TBC1D31: variants seen among roughly 807,000 people sequenced by gnomAD.
TBC1D31 encodes the protein TBC1 domain family member 31, also known as WD repeat domain 67.
In TBC1D31, 99 loss-of-function variants were observed where a neutral mutation model predicts 132.9. The ratio of observed to expected loss-of-function variants is 0.74; its 90% CI spans 0.63 to 0.88. The LOEUF is 0.88. Among genes scored for constraint, TBC1D31 ranks in the 40% least tolerant of loss-of-function variants. TBC1D31 has a pLI of 0.00. For missense variants in TBC1D31, 1,134 were observed against 1,256.6 expected, an observed-to-expected ratio of 0.90 and a Z score of 1.48; for synonymous variants, 385 against 419.4, an observed-to-expected ratio of 0.92 and a Z score of 1.00.
Position 123,149,832 on chromosome 8 carries a change from G to A in TBC1D31, c.2975-204G>A, listed in dbSNP as rs576571592. Reference sequence around the variant, plus strand: ...TTAGCTGAAAGTGTTTTTAAAGTACGTTTTACAGAAATCAGCTCAGCTCTT... The same window carrying A: ...TTAGCTGAAAGTGTTTTTAAAGTACATTTTACAGAAATCAGCTCAGCTCTT... On this transcript the variant is annotated intron_variant, in intron 20 of 21. Coordinates refer to ENST00000287380, the MANE Select transcript of TBC1D31 (RefSeq NM_145647.4). Among the ~76,000 whole-genome samples the A allele has an allele frequency of 7.2e-5, 11 of 152,302 alleles. No homozygotes were observed. In the South Asian group the frequency reaches 1.7e-3, roughly 23 times the overall value.
At chr8:123,125,821 G>A (rs1458697270) in intron 11 of TBC1D31, among the ~76,000 whole-genome samples, 1 of 152,054 alleles carries the variant, frequency 6.6e-6, no homozygotes, top group Non-Finnish European at 1.5e-5. Flanking sequence ...GTGATTGTTT[G>A]TTTTAATTAA....
intron 3 of TBC1D31, chr8:123,083,047 C>T: frequency 2.1e-6 from 1 of 473,514 alleles, no homozygotes. Flanking sequence ...GAACAACTCA[C>T]AGAACTCAGG....
At chr8:123,128,704 G>A (rs577692742) in intron 14 of TBC1D31, among the ~76,000 whole-genome samples, 191 bp downstream of exon 14, 51 of 151,308 alleles carry the variant, frequency 3.4e-4, no homozygotes, top group East Asian at 1.2e-3. Flanking sequence ...GTGAAACCCC[G>A]TCTCTACTAA....
the TBC1D31 span, among the ~76,000 whole-genome samples, chr8:123,162,180 C>A: frequency 6.6e-6 from 1 of 152,060 alleles, no homozygotes; most frequent in Non-Finnish European, 1.5e-5. Flanking sequence ...CTTCCCCCCA[C>A]AGAATACTAT....
rs1818419449 is a variant in TBC1D31 at position 123,111,379 on chromosome 8, G to A, written c.1436+1759G>A. Among the ~76,000 whole-genome samples, 3 of 152,202 alleles carry A rather than the reference G, an allele frequency of 2.0e-5. No homozygotes were observed. The South Asian group carries it at 6.2e-4, about 32-fold the overall frequency. On this transcript the variant is annotated intron_variant, in intron 10 of 21. Coordinates refer to ENST00000287380, the MANE Select transcript of TBC1D31 (RefSeq NM_145647.4). ...GGAAGATACAACCCATGTAGGAAAA[G>A]GCAAGTTAAATGCTTGGTATCTTTT...
chr8:123,130,968 T>C (rs954791470), intron 16 of TBC1D31, among the ~76,000 whole-genome samples: 2 of 152,092 alleles, frequency 1.3e-5, no homozygotes, highest in African/African-American at 4.8e-5. Context: ...ATAAAAATTA[T>C]CTGTGGCCAG....
chr8:123,141,310 T>C (rs1408457436), intron 18 of TBC1D31, among the ~76,000 whole-genome samples: 1 of 152,192 alleles, frequency 6.6e-6, no homozygotes, highest in African/African-American at 2.4e-5. Context: ...GGTCCCTGCA[T>C]GGTATGTAAG....
intron 17 of TBC1D31, among the ~76,000 whole-genome samples, chr8:123,139,795 T>C (rs1371094292): frequency 1.3e-5 from 2 of 152,194 alleles, no homozygotes; most frequent in East Asian, 1.9e-4. Context: ...ACTTAGCCTA[T>C]TGGTTGCTCT....
intron 17 of TBC1D31, among the ~76,000 whole-genome samples, chr8:123,139,556 G>A (rs1037537331): frequency 6.6e-5 from 10 of 152,114 alleles, no homozygotes; most frequent in East Asian, 1.9e-4. Flanking sequence ...GTTAGGGCAC[G>A]CCTTTATCAC....
intron 1 of TBC1D31, among the ~76,000 whole-genome samples, chr8:123,075,519 T>C (rs959364411): frequency 2.6e-5 from 4 of 152,084 alleles, no homozygotes; most frequent in Non-Finnish European, 5.9e-5. Context: ...CTGGCCAACA[T>C]GGTGAAACCT....
chr8:123,116,530 A>G (rs1246058196), intron 10 of TBC1D31, among the ~76,000 whole-genome samples: 4 of 152,202 alleles, frequency 2.6e-5, no homozygotes, highest in African/African-American at 9.7e-5. Flanking sequence ...GTATATGCAG[A>G]TAAATAGACA....
Position 123,097,299 on chromosome 8 carries a change from C to T in TBC1D31, c.689C>T (p.Ala230Val), listed in dbSNP as rs1816926243. ...TTATATAGAGATGGCCGAATCCTGG[C>T]TGCTGGAGGCAAGTCAAATCATCTT... ...FAVTRDGRIL[A>V]AGGKSNHLHL... The change falls in exon 6 of 22, where the codon GCT becomes GTT. Residue 230 changes from alanine (A) to valine (V), a missense_variant. Coordinates refer to ENST00000287380, the MANE Select transcript of TBC1D31 (RefSeq NM_145647.4). 1.2e-6 allele frequency: 2 copies of T among 1,614,136 alleles called. No individual in the cohort carries two copies. The highest frequency in any genetic ancestry group is 2.2e-5 in the East Asian group (1 of 44,874).
chr8:123,109,255 C>CA lies in TBC1D31; in HGVS notation c.1210-62_1210-61insA, dbSNP rs1481843499. ...GGGAAGTCACTGTGGACTAGATTAC[C>CA]TTTGTCACCTTTTCAGTTTTAATGA... On this transcript the variant is annotated intron_variant, in intron 8 of 21. Coordinates refer to ENST00000287380, the MANE Select transcript of TBC1D31 (RefSeq NM_145647.4). 4.2e-4 allele frequency: 517 copies of CA among 1,236,870 alleles called. No individual in the cohort carries two copies. In the African/African-American group the frequency reaches 5.2e-3, roughly 12 times the overall value. The allele number at this position is 1,236,870 out of a possible 1,614,324, so 76.6% of individuals were successfully genotyped here. A position where few individuals can be genotyped will look rare whatever the true frequency, so the allele number is the denominator to read the frequency against.
chr8:123,108,158 A>G (rs1219614574), intron 8 of TBC1D31, among the ~76,000 whole-genome samples: 2 of 152,198 alleles, frequency 1.3e-5, no homozygotes, highest in African/African-American at 2.4e-5. Context: ...ACGAAATCAG[A>G]AAGTCTGGCT....
chr8:123,116,558 A>G (rs545249958), intron 10 of TBC1D31, among the ~76,000 whole-genome samples: 1 of 152,336 alleles, frequency 6.6e-6, no homozygotes, highest in Admixed American at 6.5e-5. Context: ...GAATATAGAT[A>G]TGCATGTATG....
chr8:123,088,389 A>C (rs1815996535), intron 4 of TBC1D31, among the ~76,000 whole-genome samples: 1 of 152,148 alleles, frequency 6.6e-6, no homozygotes, highest in Non-Finnish European at 1.5e-5. Flanking sequence ...CCAGAATTCA[A>C]GACCAAGATG....
intron 11 of TBC1D31, among the ~76,000 whole-genome samples, chr8:123,124,141 T>A (rs1014050167): frequency 2.0e-5 from 3 of 152,056 alleles, no homozygotes; most frequent in African/African-American, 7.2e-5. Context: ...TTTTAAAAAA[T>A]TTACTGAACT....
intron 4 of TBC1D31, among the ~76,000 whole-genome samples, chr8:123,091,467 G>T (rs1816317035): frequency 6.6e-6 from 1 of 152,122 alleles, no homozygotes; most frequent in South Asian, 2.1e-4. Context: ...AATCTGTAAG[G>T]CCTTCATATT....
intron 10 of TBC1D31, among the ~76,000 whole-genome samples, chr8:123,111,918 A>G (rs1297587295): frequency 6.6e-6 from 1 of 152,122 alleles, no homozygotes; most frequent in East Asian, 1.9e-4. Flanking sequence ...CAATGGCATA[A>G]TCATAGCTAA....
Sources: gnomAD v4.1 joint callset for allele counts (sites outside exome capture counted in the v4.1 genomes callset) on GRCh38, gnomAD v4.1.1 for gene constraint, MANE v1.5 for transcripts, NCBI Gene and HGNC (gene_info 2026-07-23, HGNC 2026-07-21) for gene names.